TAAR5: variants seen among roughly 807,000 people sequenced by gnomAD.
The protein encoded by TAAR5 is trace amine associated receptor 5, also known as trace amine-associated receptor 5.
Under a neutral mutation model 21.1 loss-of-function variants are expected in TAAR5, and 27 were observed. The ratio of observed to expected loss-of-function variants is 1.28; its 90% CI spans 0.94 to 1.76. TAAR5 has a LOEUF of 1.76. Among genes scored for constraint, TAAR5 ranks in the 40% most tolerant of loss-of-function variants. TAAR5 has a pLI of 0.00. For synonymous variants in TAAR5, 203 were observed against 167.5 expected (o/e 1.21, Z -1.64); for missense variants, 495 against 405.6 (o/e 1.22, Z -1.89).
chr6:132,606,398 A>T, the TAAR5 span, among the ~76,000 whole-genome samples: 2 of 152,194 alleles, frequency 1.3e-5, no homozygotes, highest in African/African-American at 4.8e-5. Flanking sequence ...AGAAGTGGAG[A>T]AAGTCAATTT....
In TAAR5 at chr6:132,589,193, TATGCTGCGGGCACCCCCC is replaced by T. The variant is rs767460097; in HGVS notation, c.476_493del (p.Trp159_Ala164del). On this transcript the variant is annotated inframe_deletion, in exon 1 of 1. Coordinates refer to ENST00000258034, the MANE Select transcript of TAAR5 (RefSeq NM_003967.3). ...ATCTGTGTAGAGGAATAACGAAGTG[TATGCTGCGGGCACCCCCC>T]ATCCTGCCAGGATGTACCTGAGAGC... 1 of 1,605,760 alleles carries T rather than the reference TATGCTGCGGGCACCCCCC, an allele frequency of 6.2e-7. No individual in the cohort carries two copies. Among genetic ancestry groups the T allele is most frequent in the Non-Finnish European group, 8.5e-7 (1 of 1,175,860 alleles).
In TAAR5 at chr6:132,589,721, GC is replaced by G; in HGVS notation, c.-36del. 2.9e-6 allele frequency: 2 copies of G among 684,812 alleles called. No homozygotes were observed. The highest frequency in any genetic ancestry group is 3.9e-6 in the Non-Finnish European group (2 of 511,576). 42.4% of individuals were successfully genotyped at this position (684,812 alleles called of 1,614,324 possible). A position where few individuals can be genotyped will look rare whatever the true frequency, so the allele number is the denominator to read the frequency against. On this transcript the variant is annotated 5_prime_UTR_variant, in exon 1 of 1. Transcript: ENST00000258034. Reference sequence around the variant, plus strand: ...CTACTCTTCCTCTGTCTGAGAACTGGCCACCTTCTCCACTGGAGGGCAAAAA... The same window carrying G: ...CTACTCTTCCTCTGTCTGAGAACTGGCACCTTCTCCACTGGAGGGCAAAAA...
chr6:132,595,794 T>A, the TAAR5 span, among the ~76,000 whole-genome samples: 1 of 152,212 alleles, frequency 6.6e-6, no homozygotes, highest in Non-Finnish European at 1.5e-5. Flanking sequence ...CTCGCTTATA[T>A]TGGACAGTTT....
chr6:132,602,779 C>CAAAAAAAAAAAAAAAAA, the TAAR5 span, among the ~76,000 whole-genome samples: 1 of 95,948 alleles, frequency 1.0e-5, no homozygotes, highest in Non-Finnish European at 2.1e-5. Flanking sequence ...CTTTAGAAGT[C>CAAAAAAAAAAAAAAAAA]AAAAAAAAAA....
the TAAR5 span, among the ~76,000 whole-genome samples, chr6:132,598,526 C>G: frequency 6.6e-6 from 1 of 152,188 alleles, no homozygotes; most frequent in African/African-American, 2.4e-5. Context: ...GCACTGTGTT[C>G]TCTTGTTGTC....
chr6:132,596,632 G>A, the TAAR5 span, among the ~76,000 whole-genome samples: 2 of 152,044 alleles, frequency 1.3e-5, no homozygotes, highest in Admixed American at 6.6e-5. Context: ...TCTGGATATA[G>A]TAACTTGATT....
At chr6:132,610,737 T>TA in the TAAR5 span, among the ~76,000 whole-genome samples, 1 of 152,174 alleles carries the variant, frequency 6.6e-6, no homozygotes, top group Admixed American at 6.6e-5. Flanking sequence ...TTCTCTAGGT[T>TA]AAAAGTTTAC....
the TAAR5 span, among the ~76,000 whole-genome samples, chr6:132,595,618 C>T: frequency 6.6e-6 from 1 of 152,134 alleles, no homozygotes; most frequent in Non-Finnish European, 1.5e-5. Flanking sequence ...GCACTGCTTC[C>T]TAAAGCTTTG....
chr6:132,599,323 CTTTTTTTTTTTTTT>C, the TAAR5 span, among the ~76,000 whole-genome samples: 1 of 98,492 alleles, frequency 1.0e-5, no homozygotes, highest in Non-Finnish European at 2.0e-5. Context: ...CTTTTCTTTT[CTTTTTTTTTTTTTT>C]TTTTTTTTTT....
chr6:132,609,199 G>A, the TAAR5 span: 1 of 355,010 alleles, frequency 2.8e-6, no homozygotes, highest in Non-Finnish European at 5.5e-6. Context: ...CATGAAAAGA[G>A]CGGTTGGTGG....
At chr6:132,589,742 CAAAAAAAAAAA>C (rs567338856), upstream of TAAR5, 2,705 of 60,360 alleles carry the variant, frequency 0.045, 20 homozygotes, top group East Asian at 0.13. Flanking sequence ...CACTGGAGGG[CAAAAAAAAAAA>C]AAAAAAAAAA....
chr6:132,614,731 G>A, the TAAR5 span, among the ~76,000 whole-genome samples: 2 of 152,148 alleles, frequency 1.3e-5, no homozygotes, highest in South Asian at 4.1e-4. Context: ...TTGGAGTAGA[G>A]AACTCAGATC....
At chr6:132,609,596 T>G in the TAAR5 span, among the ~76,000 whole-genome samples, 1 of 152,158 alleles carries the variant, frequency 6.6e-6, no homozygotes, top group South Asian at 2.1e-4. Context: ...TTATTCCTGG[T>G]AAGGAAATGG....
chr6:132,607,171 G>A, the TAAR5 span, among the ~76,000 whole-genome samples: 49 of 152,100 alleles, frequency 3.2e-4, 1 homozygote, highest in African/African-American at 1.0e-3. Context: ...CTCCAGCCCG[G>A]GTGACAGAGT....
chr6:132,607,094 CTG>C, the TAAR5 span, among the ~76,000 whole-genome samples: 1 of 152,078 alleles, frequency 6.6e-6, no homozygotes, highest in African/African-American at 2.4e-5. Flanking sequence ...ACTTGGGAGA[CTG>C]AGGTGGGAGG....
chr6:132,588,833 A>G lies in TAAR5; in HGVS notation c.854T>C (p.Leu285Pro), dbSNP rs1274617047. The change falls in exon 1 of 1, where the codon CTG (leucine) becomes CCG (proline). Residue 285 changes from leucine (L) to proline (P), a missense_variant. Transcript: ENST00000258034. ...DSLLHFITPP[L>P]VFDIFIWFAY... ...AAACCAGATAAAGATGTCAAAGACC[A>G]GTGGGGGTGTGATAAAGTGAAGGAG... is the stretch of plus-strand genomic sequence containing the variant. 1 of 1,614,144 alleles carries G rather than the reference A, an allele frequency of 6.2e-7. No individual in the cohort carries two copies. The highest frequency in any genetic ancestry group is 1.1e-5 in the South Asian group (1 of 91,074).
the TAAR5 span, among the ~76,000 whole-genome samples, chr6:132,604,885 C>T: frequency 3.3e-5 from 5 of 152,108 alleles, no homozygotes; most frequent in Non-Finnish European, 5.9e-5. Flanking sequence ...AGCAGGGAAC[C>T]GCCACCTCAA....
chr6:132,611,686 G>T, the TAAR5 span, among the ~76,000 whole-genome samples: 1 of 152,126 alleles, frequency 6.6e-6, no homozygotes, highest in Non-Finnish European at 1.5e-5. Flanking sequence ...GTTTACTCTG[G>T]CCTTCTCCCA....
At chr6:132,600,964 G>A in the TAAR5 span, among the ~76,000 whole-genome samples, 1 of 130,042 alleles carries the variant, frequency 7.7e-6, no homozygotes, top group Non-Finnish European at 1.6e-5. Flanking sequence ...AAGGAGGGAA[G>A]GAGGGAAGGA....
Sources: gnomAD v4.1 joint callset for allele counts (sites outside exome capture counted in the v4.1 genomes callset) on GRCh38, gnomAD v4.1.1 for gene constraint, MANE v1.5 for transcripts, NCBI Gene and HGNC (gene_info 2026-07-23, HGNC 2026-07-21) for gene names.